The following MYBPC1 variants were observed in gnomAD, a reference collection of about 807,000 sequenced individuals.
MYBPC1 encodes myosin binding protein C1, also known as myosin-binding protein C, slow-type.
MYBPC1 carries 52 observed loss-of-function variants against 147.1 expected under a neutral mutation model. That is an observed-to-expected ratio of 0.35 (90% confidence interval 0.28 to 0.45). The LOEUF (loss-of-function observed/expected upper bound fraction) is 0.45. Among genes scored for constraint, MYBPC1 ranks in the 20% least tolerant of loss-of-function variants. The pLI, the probability that MYBPC1 is intolerant of heterozygous loss-of-function variation, is 1.00. For missense variants in MYBPC1, 1,228 were observed against 1,440.3 expected (o/e 0.85, Z 2.39); for synonymous variants, 477 against 475.9 (o/e 1.00, Z -0.03).
intron 1 of MYBPC1, among the ~76,000 whole-genome samples, chr12:101,595,308 G>A (rs887174304): frequency 6.6e-6 from 1 of 152,000 alleles, no homozygotes; most frequent in South Asian, 2.1e-4. Context: ...GTTTCTAAAG[G>A]GATATTGACT....
At chr12:101,685,280 C>T (rs902999698) in intron 31 of MYBPC1, among the ~76,000 whole-genome samples, 8 of 152,152 alleles carry the variant, frequency 5.3e-5, no homozygotes, top group Non-Finnish European at 7.3e-5. Flanking sequence ...ATCACAAAAC[C>T]TCTCAAAGAG....
intron 19 of MYBPC1, 58 bp from the exon 20 acceptor site, chr12:101,661,100 T>A: frequency 9.2e-7 from 1 of 1,092,160 alleles, no homozygotes; most frequent in Admixed American, 2.0e-5. Context: ...TCCTATTAAC[T>A]TTTTTTTTCT....
At chr12:101,640,609 C>T (rs1891832767) in intron 10 of MYBPC1, among the ~76,000 whole-genome samples, 1 of 152,130 alleles carries the variant, frequency 6.6e-6, no homozygotes, top group African/African-American at 2.4e-5. Flanking sequence ...GACCAGTGAC[C>T]TTTCACTTCC....
intron 24 of MYBPC1, among the ~76,000 whole-genome samples, chr12:101,672,834 G>A (rs11110950): frequency 0.026 from 3,982 of 152,156 alleles, 260 homozygotes; most frequent in East Asian, 0.25. Flanking sequence ...GGCGACAAGA[G>A]CCAAACTCTG....
chr12:101,676,750 CA>C (rs1900084224), intron 26 of MYBPC1, among the ~76,000 whole-genome samples: 1 of 127,654 alleles, frequency 7.8e-6, no homozygotes, highest in Admixed American at 7.4e-5. Flanking sequence ...GATCCTGTCT[CA>C]AAAAGAAAAA....
At position 101,638,032 on chromosome 12, in the gene MYBPC1, C is replaced by G. The variant is rs555142868; in HGVS notation, c.665+1304C>G. 1.4e-4 allele frequency among the ~76,000 whole-genome samples: 22 copies of G among 152,284 alleles called. No homozygotes were observed. The East Asian group carries it at 3.9e-3, about 27-fold the overall frequency. On this transcript the variant is annotated intron_variant, in intron 10 of 31. Transcript: ENST00000361466. ...GGTACAGAGACAACAAGTGACTTAT[C>G]CCAAGTCACACAGGAGTTAGAGGCA...
intron 1 of MYBPC1, among the ~76,000 whole-genome samples, chr12:101,609,037 T>C (rs1449703042): frequency 6.6e-6 from 1 of 152,202 alleles, no homozygotes; most frequent in African/African-American, 2.4e-5. Flanking sequence ...ACTATATTTA[T>C]GGAGCACCTG....
chr12:101,670,435 T>C lies in MYBPC1; in HGVS notation c.2613+26T>C, dbSNP rs751784862. On this transcript the variant is annotated intron_variant, in intron 24 of 31. Coordinates refer to ENST00000361466, the MANE Select transcript of MYBPC1 (RefSeq NM_002465.4). ...GTAAGAGTTCAAGGGTCGCTCTTTT[T>C]CTCTTTAGAGGGCTGGATTAGTTTA... 13 of 1,582,480 alleles carry C rather than the reference T, an allele frequency of 8.2e-6. No individual in the cohort carries two copies. The South Asian group carries it at 1.4e-4, about 18-fold the overall frequency.
At chr12:101,670,234 T>A in intron 23 of MYBPC1, 87 bp from the exon 24 acceptor site, 1 of 1,000,536 alleles carries the variant, frequency 1.0e-6, no homozygotes, top group East Asian at 2.4e-5. Flanking sequence ...AAGGGTACGC[T>A]GGTGAGCATC....
intron 29 of MYBPC1, among the ~76,000 whole-genome samples, chr12:101,681,511 C>G (rs1448860659): frequency 9.3e-6 from 1 of 107,776 alleles, no homozygotes; most frequent in African/African-American, 3.6e-5. Context: ...AGTCCTAAAT[C>G]TAGTATAAAT....
intron 25 of MYBPC1, 125 bp downstream of exon 25, chr12:101,673,747 T>G: frequency 9.2e-7 from 1 of 1,092,024 alleles, no homozygotes; most frequent in Non-Finnish European, 1.4e-6. Context: ...TTTTTAGATT[T>G]ATTTTTTAAA....
chr12:101,680,303 A>G, intron 28 of MYBPC1, 40 bp from the exon 29 acceptor site: 1 of 1,581,242 alleles, frequency 6.3e-7, no homozygotes, highest in Non-Finnish European at 8.7e-7. Flanking sequence ...TGCCAATTAC[A>G]GATATGTTTT....
At chr12:101,605,226 A>G (rs1301290979) in intron 1 of MYBPC1, among the ~76,000 whole-genome samples, 5 of 152,178 alleles carry the variant, frequency 3.3e-5, no homozygotes, top group African/African-American at 1.2e-4. Context: ...TTTTGTCTCT[A>G]TTATGGTGCA....
chr12:101,681,819 G>A lies in MYBPC1; in HGVS notation c.3434-785G>A, dbSNP rs190339904. Among the ~76,000 whole-genome samples the A allele has an allele frequency of 1.9e-3, 280 of 151,218 alleles. 2 individuals carry two copies. The highest frequency in any genetic ancestry group is 1.2e-3 in the Non-Finnish European group (82 of 67,834). ...AGACGGGTTTTTGCCGTGTTGGCCA[G>A]GCTGGTCTCAAACTCCTGGCCTCAA... On this transcript the variant is annotated intron_variant, in intron 29 of 31. Transcript: ENST00000361466.
intron 8 of MYBPC1, among the ~76,000 whole-genome samples, chr12:101,634,037 C>T (rs1444606809): frequency 6.6e-6 from 1 of 152,032 alleles, no homozygotes; most frequent in African/African-American, 2.4e-5. Context: ...GCTGGGACTA[C>T]AGGCGCCCGC....
intron 2 of MYBPC1, 139 bp downstream of exon 2, chr12:101,614,670 G>C: frequency 1.2e-6 from 1 of 816,650 alleles, no homozygotes; most frequent in Admixed American, 2.0e-5. Flanking sequence ...TGACCATTGT[G>C]ATAAGTTGAG....
chr12:101,636,044 A>C (rs1463737497), intron 9 of MYBPC1, among the ~76,000 whole-genome samples: 1 of 152,222 alleles, frequency 6.6e-6, no homozygotes, highest in Non-Finnish European at 1.5e-5. Context: ...AAACATATTT[A>C]AGAAGGTATA....
chr12:101,603,235 T>C (rs1420246154), intron 1 of MYBPC1, among the ~76,000 whole-genome samples: 1 of 151,692 alleles, frequency 6.6e-6, no homozygotes, highest in Non-Finnish European at 1.5e-5. Context: ...TCCCAGCTAC[T>C]CAGGAGGCTG....
chr12:101,605,323 A>G (rs922508283), intron 1 of MYBPC1, among the ~76,000 whole-genome samples: 4 of 152,228 alleles, frequency 2.6e-5, no homozygotes, highest in Non-Finnish European at 5.9e-5. Context: ...GCAGATGTAT[A>G]TGATATATAT....
Sources: allele counts gnomAD v4.1 joint callset (sites outside exome capture counted in the v4.1 genomes callset), GRCh38; gene constraint gnomAD v4.1.1; transcripts MANE v1.5; gene names NCBI Gene and HGNC (gene_info 2026-07-23, HGNC 2026-07-21).